Variants in KLF13 observed in about 807,000 individuals in gnomAD.
KLF13 encodes Krueppel-like factor 13.
Under a neutral mutation model 16.7 loss-of-function variants are expected in KLF13, and 8 were observed. The ratio of observed to expected loss-of-function variants is 0.48; its 90% CI spans 0.28 to 0.87. KLF13 has a LOEUF of 0.87. Among genes scored for constraint, KLF13 ranks in the 40% least tolerant of loss-of-function variants. KLF13 has a pLI of 0.10. For missense variants in KLF13, 447 were observed against 452.2 expected (o/e 0.99, Z 0.10); for synonymous variants, 245 against 208.4 (o/e 1.18, Z -1.51).
At chr15:31,416,766 C>T (rs1045402656) in intron 1 of KLF13, among the ~76,000 whole-genome samples, 1 of 152,126 alleles carries the variant, frequency 6.6e-6, no homozygotes, top group Non-Finnish European at 1.5e-5. Flanking sequence ...AGACAAATAG[C>T]ATCATTGAGA....
At chr15:31,336,610 G>A (rs149114527) in intron 1 of KLF13, among the ~76,000 whole-genome samples, 2 of 152,282 alleles carry the variant, frequency 1.3e-5, no homozygotes, top group Non-Finnish European at 2.9e-5. Context: ...TTGGTTTAGG[G>A]GTATTGGTAG....
At chr15:31,369,019 G>A (rs970178562) in intron 1 of KLF13, among the ~76,000 whole-genome samples, 1 of 152,144 alleles carries the variant, frequency 6.6e-6, no homozygotes, top group East Asian at 1.9e-4. Context: ...ATCAAATTTA[G>A]ATATTTTCTG....
intron 1 of KLF13, among the ~76,000 whole-genome samples, chr15:31,357,521 C>G (rs531783666): frequency 1.3e-5 from 2 of 152,340 alleles, no homozygotes; most frequent in East Asian, 3.9e-4. Context: ...GAGGAGTGTT[C>G]TGCTCCTGCC....
chr15:31,386,447 C>T (rs4779522), intron 1 of KLF13, among the ~76,000 whole-genome samples: 44,452 of 151,874 alleles, frequency 0.29, 7,192 homozygotes, highest in African/African-American at 0.43. Context: ...TGCAGTGAGC[C>T]GAGATCGTGC....
intron 1 of KLF13, among the ~76,000 whole-genome samples, chr15:31,425,647 C>T (rs765882105): frequency 4.6e-5 from 7 of 152,082 alleles, no homozygotes; most frequent in Admixed American, 6.6e-5. Context: ...GAGGCTGAGG[C>T]GGGCAGATCA....
chr15:31,382,168 G>A (rs184020695), downstream of KLF13, among the ~76,000 whole-genome samples: 21 of 152,352 alleles, frequency 1.4e-4, no homozygotes, highest in East Asian at 1.5e-3. Flanking sequence ...TGTGGACAGA[G>A]ACTGGGACTG....
chr15:31,359,203 T>TGTGC (rs899552687), intron 1 of KLF13, among the ~76,000 whole-genome samples: 1 of 152,100 alleles, frequency 6.6e-6, no homozygotes, highest in Non-Finnish European at 1.5e-5. Context: ...GTGACTCGGG[T>TGTGC]GTGCGTGAAG....
At chr15:31,348,112 G>A (rs990611496) in intron 1 of KLF13, among the ~76,000 whole-genome samples, 4 of 152,224 alleles carry the variant, frequency 2.6e-5, no homozygotes, top group Non-Finnish European at 1.5e-5. Flanking sequence ...GCTGGTGGAG[G>A]AAAGTGGAAA....
intron 1 of KLF13, among the ~76,000 whole-genome samples, chr15:31,429,205 G>A (rs993224091): frequency 2.5e-5 from 3 of 119,954 alleles, no homozygotes; most frequent in South Asian, 2.1e-4. Flanking sequence ...TTTCAGTGCA[G>A]CGTTTTCAGG....
downstream of KLF13, among the ~76,000 whole-genome samples, chr15:31,382,188 A>T (rs906029499): frequency 6.6e-6 from 1 of 152,212 alleles, no homozygotes; most frequent in Non-Finnish European, 1.5e-5. Context: ...GACCTGGGAC[A>T]CAGAGGAAGG....
At chr15:31,365,236 C>G (rs2039447140) in intron 1 of KLF13, among the ~76,000 whole-genome samples, 1 of 152,198 alleles carries the variant, frequency 6.6e-6, no homozygotes, top group African/African-American at 2.4e-5. Context: ...CTGTGCCTCC[C>G]TTTGAGTCTG....
At chr15:31,351,013 A>G (rs1359270479) in intron 1 of KLF13, among the ~76,000 whole-genome samples, 1 of 152,238 alleles carries the variant, frequency 6.6e-6, no homozygotes, top group Non-Finnish European at 1.5e-5. Flanking sequence ...CAGTGTCTCC[A>G]GGAACCACTT....
downstream of KLF13, among the ~76,000 whole-genome samples, chr15:31,409,035 A>G (rs929270803): frequency 6.6e-6 from 1 of 152,190 alleles, no homozygotes; most frequent in South Asian, 2.1e-4. Flanking sequence ...TTGTAATCCC[A>G]GCACTTTGGG....
At chr15:31,362,002 G>A (rs768599642) in intron 1 of KLF13, among the ~76,000 whole-genome samples, 2 of 152,018 alleles carry the variant, frequency 1.3e-5, no homozygotes, top group Non-Finnish European at 2.9e-5. Context: ...CTCCTCATGA[G>A]CCCCTACAGT....
intron 1 of KLF13, among the ~76,000 whole-genome samples, chr15:31,358,925 G>T (rs1385658710): frequency 6.6e-6 from 1 of 152,232 alleles, no homozygotes; most frequent in Non-Finnish European, 1.5e-5. Context: ...GAGGAAAGGC[G>T]GGGGCAGTGG....
At chr15:31,348,127 G>T (rs376039582) in intron 1 of KLF13, among the ~76,000 whole-genome samples, 17 of 152,344 alleles carry the variant, frequency 1.1e-4, no homozygotes, top group African/African-American at 3.6e-4. Context: ...TGGAAAACAC[G>T]CAGGCTTTGT....
intron 1 of KLF13, among the ~76,000 whole-genome samples, chr15:31,417,262 A>G (rs548735424): frequency 5.7e-4 from 87 of 152,204 alleles, no homozygotes; most frequent in African/African-American, 2.0e-3. Context: ...TGGGAGGCCG[A>G]GATGGGAGGA....
Position 31,372,422 on chromosome 15 carries a change from C to T in KLF13, c.*123C>T. 1 of 1,085,214 alleles carries T rather than the reference C, an allele frequency of 9.2e-7. No homozygotes were observed. Among genetic ancestry groups the T allele is most frequent in the South Asian group, 2.4e-5 (1 of 41,036 alleles). 67.2% of individuals were successfully genotyped at this position (1,085,214 alleles called of 1,614,324 possible). On this transcript the variant is annotated 3_prime_UTR_variant, in exon 2 of 2. Coordinates refer to ENST00000307145, the MANE Select transcript of KLF13 (RefSeq NM_015995.4). Reference sequence around the variant, plus strand: ...CACGAAAAAACAATTTTTTTCACCTCAGGTGTCAAAGTAAATTTGTTAAAA... The same window carrying T: ...CACGAAAAAACAATTTTTTTCACCTTAGGTGTCAAAGTAAATTTGTTAAAA...
intron 1 of KLF13, among the ~76,000 whole-genome samples, chr15:31,332,060 T>G (rs1033911309): frequency 3.3e-5 from 5 of 152,148 alleles, no homozygotes; most frequent in African/African-American, 7.2e-5. Context: ...CTTTTTTTTG[T>G]TTTTTCTGCT....
Sources: gnomAD v4.1 joint callset for allele counts (sites outside exome capture counted in the v4.1 genomes callset) on GRCh38, gnomAD v4.1.1 for gene constraint, MANE v1.5 for transcripts, NCBI Gene and HGNC (gene_info 2026-07-23, HGNC 2026-07-21) for gene names.